Variants in INTS9 observed in about 807,000 individuals in gnomAD.
INTS9 encodes the protein protein related to CPSF subunits of 74 kDa.
A neutral mutation model predicts 79.7 loss-of-function variants in INTS9; 55 were observed. The observed-to-expected ratio is 0.69, with a 90% CI of 0.56 to 0.86. INTS9 has a LOEUF of 0.86. Ranked by LOEUF, INTS9 falls within the 40% of genes least tolerant of loss-of-function variation. The pLI is 0.00. For synonymous variants in INTS9, 319 were observed against 325.2 expected (o/e 0.98, Z 0.20); for missense variants, 721 against 831.5 (o/e 0.87, Z 1.64).
At position 28,814,701 on chromosome 8, in the gene INTS9, C is replaced by T. The variant is rs546340829; in HGVS notation, c.489-1089G>A. Among the ~76,000 whole-genome samples the T allele has an allele frequency of 6.6e-5, 10 of 152,290 alleles. No homozygotes were observed. In the South Asian group the frequency reaches 2.1e-3, roughly 32 times the overall value. ...AGTCTGGACTACGGGAAACCATCAA[C>T]TGAGACAGCCTTCCTAAACAAAAAT... On this transcript the variant is annotated intron_variant, in intron 6 of 16. Coordinates refer to ENST00000521022, the MANE Select transcript of INTS9 (RefSeq NM_018250.4).
At chr8:28,878,718 C>T (rs1809532498) in intron 1 of INTS9, among the ~76,000 whole-genome samples, 1 of 151,204 alleles carries the variant, frequency 6.6e-6, no homozygotes. Flanking sequence ...TGGCTCACGC[C>T]TATAATCCCA....
intron 10 of INTS9, among the ~76,000 whole-genome samples, chr8:28,789,279 G>A (rs1017501175): frequency 2.6e-5 from 4 of 152,172 alleles, no homozygotes; most frequent in Admixed American, 6.5e-5. Context: ...AATATGATTA[G>A]AGATTGTGAA....
intron 12 of INTS9, among the ~76,000 whole-genome samples, chr8:28,779,990 A>G (rs1241670074): frequency 6.6e-6 from 1 of 151,808 alleles, no homozygotes; most frequent in Admixed American, 6.6e-5. Context: ...TACTGTGGGG[A>G]CAGTCATGCT....
intron 5 of INTS9, among the ~76,000 whole-genome samples, chr8:28,836,778 C>T (rs935960903): frequency 1.3e-5 from 2 of 152,152 alleles, no homozygotes; most frequent in Non-Finnish European, 2.9e-5. Flanking sequence ...AGAGCCCTTC[C>T]TCAGCTCCCT....
rs766878171 is a variant in INTS9 at position 28,769,929 on chromosome 8, C to T, written c.1760G>A (p.Gly587Asp). The T allele has an allele frequency of 6.8e-6, 11 of 1,614,248 alleles. No homozygotes were observed. The South Asian group carries it at 9.9e-5, about 14-fold the overall frequency. Residue 587 changes from glycine (G) to aspartate (D), a missense_variant, in exon 16 of 17, where the codon GGT (glycine) becomes GAT (aspartate). Physicochemically the swap from Gly to Asp is moderately conservative, Grantham distance 94. Around this residue, in one of 3 missense-constraint regions of INTS9, gnomAD observed 281 missense variants for 300.8 expected, o/e 0.93. Coordinates refer to ENST00000521022, the MANE Select transcript of INTS9 (RefSeq NM_018250.4). The stretch of plus-strand genomic sequence containing the variant: ...CACGAACTGCTCCACAGGGATGGAA[C>T]CGCTCAACAAAGGCTTCAGGACTTT... The part of the protein sequence containing the change: ...DCKVLKPLLS[G>D]SIPVEQFVQT...
At chr8:28,829,780 C>T (rs7846576) in intron 6 of INTS9, among the ~76,000 whole-genome samples, 74,578 of 151,960 alleles carry the variant, frequency 0.49, 19,605 homozygotes, top group Non-Finnish European at 0.59. Flanking sequence ...AATGTAGAAG[C>T]CAACATTTCT....
At chr8:28,793,599 G>A (rs765116509) in intron 10 of INTS9, 15 of 479,414 alleles carry the variant, frequency 3.1e-5, no homozygotes, top group Non-Finnish European at 5.1e-5. Flanking sequence ...TCTCTGCCTT[G>A]CATTCTTCCC....
chr8:28,808,349 A>C (rs1804929804), intron 8 of INTS9, among the ~76,000 whole-genome samples: 1 of 151,894 alleles, frequency 6.6e-6, no homozygotes, highest in African/African-American at 2.4e-5. Flanking sequence ...GAGCACCATC[A>C]CACCGGTTAA....
chr8:28,876,304 G>A (rs1809382745), intron 1 of INTS9, among the ~76,000 whole-genome samples: 2 of 152,108 alleles, frequency 1.3e-5, no homozygotes, highest in Non-Finnish European at 2.9e-5. Context: ...AGTCTGTTAT[G>A]CACCACCTAA....
chr8:28,780,054 T>TG (rs1424259712), intron 12 of INTS9, among the ~76,000 whole-genome samples: 1 of 138,092 alleles, frequency 7.2e-6, no homozygotes, highest in African/African-American at 2.6e-5. Flanking sequence ...CAAATCAAGG[T>TG]TTTTTTTTTT....
chr8:28,834,810 G>T (rs1585436952), intron 6 of INTS9, among the ~76,000 whole-genome samples: 1 of 151,946 alleles, frequency 6.6e-6, no homozygotes, highest in East Asian at 1.9e-4. Context: ...CCGAGTAGCT[G>T]TGATTACAGG....
chr8:28,880,278 C>CCCTCTA (rs1563317750), intron 1 of INTS9, among the ~76,000 whole-genome samples: 2 of 143,010 alleles, frequency 1.4e-5, no homozygotes, highest in African/African-American at 2.6e-5. Context: ...CTCTCCCTCT[C>CCCTCTA]TCTCCCTCCA....
In INTS9 at chr8:28,813,622, G is replaced by A; in HGVS notation, c.489-10C>T. On this transcript the variant is annotated splice_polypyrimidine_tract_variant and intron_variant, in intron 6 of 16. Transcript: ENST00000521022. ...AGGAGAAGGTAACAGCCTGCAAATG[G>A]ATCACAATGTCAACTACCAGGTGAA... 1 of 1,612,072 alleles carries A rather than the reference G, an allele frequency of 6.2e-7. No homozygotes were observed. The highest frequency in any genetic ancestry group is 8.5e-7 in the Non-Finnish European group (1 of 1,179,338).
chr8:28,851,515 G>A (rs1309754535), intron 2 of INTS9, among the ~76,000 whole-genome samples: 2 of 151,982 alleles, frequency 1.3e-5, no homozygotes, highest in Non-Finnish European at 2.9e-5. Flanking sequence ...TCGGCTCACT[G>A]CAACCTCTGC....
At chr8:28,801,688 T>C (rs1000936088) in intron 8 of INTS9, among the ~76,000 whole-genome samples, 1 of 152,188 alleles carries the variant, frequency 6.6e-6, no homozygotes, top group Non-Finnish European at 1.5e-5. Context: ...CTCAGCTCAC[T>C]GCAGCCTCAA....
intron 9 of INTS9, among the ~76,000 whole-genome samples, chr8:28,795,963 C>T (rs936853967): frequency 1.3e-5 from 2 of 152,162 alleles, no homozygotes; most frequent in Admixed American, 6.5e-5. Flanking sequence ...CTTAATTTAG[C>T]CTTTCCTCAA....
intron 16 of INTS9, 192 bp from the exon 17 acceptor site, chr8:28,768,514 C>T: frequency 1.6e-6 from 1 of 607,846 alleles, no homozygotes; most frequent in Non-Finnish European, 2.9e-6. Flanking sequence ...TGCAAAAGCT[C>T]ATGCAAAACA....
In INTS9 at chr8:28,836,560, T is replaced by G. The variant is rs188700546; in HGVS notation, c.401+1077A>C. Among the ~76,000 whole-genome samples, 8 of 152,334 alleles carry G rather than the reference T, an allele frequency of 5.3e-5. No homozygotes were observed. The East Asian group carries it at 1.4e-3, about 26-fold the overall frequency. On this transcript the variant is annotated intron_variant, in intron 5 of 16. Coordinates refer to ENST00000521022, the MANE Select transcript of INTS9 (RefSeq NM_018250.4). ...TTATTTATTTTGGCCTAATACCATCTCCTCCTTCCATCTTGAAGGAAGAGT... is the reference window on the plus strand; with the variant it reads ...TTATTTATTTTGGCCTAATACCATCGCCTCCTTCCATCTTGAAGGAAGAGT...
In INTS9 at chr8:28,777,911, G is replaced by A. The variant is rs745376105; in HGVS notation, c.1313C>T (p.Pro438Leu). Residue 438 changes from proline to leucine, a missense_variant, in exon 13 of 17, where the codon CCG becomes CTG. By Grantham distance (98) the Pro-to-Leu change is moderately conservative (BLOSUM62 -3). Transcript: ENST00000521022. ...SYLEALAPYQPLAMKCIYCPI... is the reference protein window; with the variant it reads ...SYLEALAPYQLLAMKCIYCPI... ...GCAGTAGATGCATTTCATGGCCAGC[G>A]GCTGGTAAGGAGCCAGGGCTTCCAG... The A allele has an allele frequency of 1.1e-5, 17 of 1,612,480 alleles. No individual in the cohort carries two copies. The highest frequency in any genetic ancestry group is 1.4e-5 in the Non-Finnish European group (16 of 1,179,324).
Sources: gnomAD v4.1 joint callset for allele counts (sites outside exome capture counted in the v4.1 genomes callset) on GRCh38, gnomAD v4.1.1 for gene constraint, gnomAD v4.1.1 regional missense constraint, MANE v1.5 for transcripts, NCBI Gene and HGNC (gene_info 2026-07-23, HGNC 2026-07-21) for gene names.